The following EZR variants were observed in gnomAD, a reference collection of about 807,000 sequenced individuals.
EZR encodes the protein cytovillin 2.
In EZR, 40 loss-of-function variants were observed where a neutral mutation model predicts 74.8. That is an observed-to-expected ratio of 0.53 (90% CI 0.42 to 0.70). The LOEUF is 0.70. Ranked by LOEUF, EZR falls within the 30% of genes least tolerant of loss-of-function variation. The pLI is 0.00. For missense variants in EZR, 678 were observed against 755.8 expected (o/e 0.90, Z 1.21); for synonymous variants, 341 against 283.3 (o/e 1.20, Z -2.05).
intron 3 of EZR, 63 bp downstream of exon 3, chr6:158,789,225 C>G (rs1267419042): frequency 7.9e-6 from 10 of 1,262,904 alleles, no homozygotes; most frequent in Non-Finnish European, 1.1e-5. Flanking sequence ...AACAAAATAA[C>G]TGAAATGTTG....
intron 2 of EZR, among the ~76,000 whole-genome samples, chr6:158,805,754 A>C (rs1777324312): frequency 6.6e-6 from 1 of 152,232 alleles, no homozygotes; most frequent in South Asian, 2.1e-4. Context: ...GTTACATCTG[A>C]AATGGCATTA....
chr6:158,769,336 C>G lies in EZR; in HGVS notation c.1334G>C (p.Trp445Ser). Reference protein sequence around the residue: ...RRRKEDEVEEWQHRAKEAQDD... With the variant: ...RRRKEDEVEESQHRAKEAQDD... ...CCCGTGCAGACTCACCCTGTGCTGC[C>G]ACTCTTCAACTTCATCCTCCTTGCG... Residue 445 changes from tryptophan (W) to serine (S), a missense_variant, in exon 12 of 14, where the codon TGG becomes TCG. Physicochemically the swap from Trp to Ser is radical, Grantham distance 177. Coordinates refer to ENST00000367075, the MANE Select transcript of EZR (RefSeq NM_001111077.2). The G allele has an allele frequency of 6.2e-7, 1 of 1,609,664 alleles. No individual in the cohort carries two copies. Among genetic ancestry groups the G allele is most frequent in the Non-Finnish European group, 8.5e-7 (1 of 1,179,990 alleles).
intron 7 of EZR, among the ~76,000 whole-genome samples, chr6:158,781,789 G>T (rs540916619): frequency 3.3e-5 from 5 of 151,632 alleles, no homozygotes; most frequent in Non-Finnish European, 5.9e-5. Flanking sequence ...TTTGAGACAC[G>T]GTCTCGCTCT....
At chr6:158,804,715 GTC>G (rs904991040) in intron 2 of EZR, among the ~76,000 whole-genome samples, 63 of 151,982 alleles carry the variant, frequency 4.1e-4, no homozygotes, top group African/African-American at 1.4e-3. Flanking sequence ...ATGCATGGTT[GTC>G]TCTGCAAATT....
intron 2 of EZR, among the ~76,000 whole-genome samples, chr6:158,817,570 T>C (rs1039651220): frequency 2.6e-5 from 4 of 152,242 alleles, no homozygotes; most frequent in Non-Finnish European, 4.4e-5. Context: ...CACCGCTTCA[T>C]GGGCCTAGTA....
chr6:158,774,529 G>A (rs1301256460), intron 8 of EZR, among the ~76,000 whole-genome samples: 1 of 151,770 alleles, frequency 6.6e-6, no homozygotes, highest in African/African-American at 2.4e-5. Flanking sequence ...TGCCACCAGC[G>A]AATGTTTCTT....
rs760081199 is a variant in EZR at position 158,817,969 on chromosome 6, T to C, written c.12+113A>G. The C allele has an allele frequency of 8.3e-5, 85 of 1,025,626 alleles. No homozygotes were observed. The Middle Eastern group carries it at 1.1e-3, about 13-fold the overall frequency. 63.5% of individuals were successfully genotyped at this position (1,025,626 alleles called of 1,614,324 possible). A position where few individuals can be genotyped will look rare whatever the true frequency, so the allele number is the denominator to read the frequency against. Reference sequence around the variant, plus strand: ...ACCTCCTCCTATTCCTATCGTCTTCTGCGTGTGAGAAGAACCCTGTTCCCC... The same window carrying C: ...ACCTCCTCCTATTCCTATCGTCTTCCGCGTGTGAGAAGAACCCTGTTCCCC... On this transcript the variant is annotated intron_variant, in intron 2 of 13. Coordinates refer to ENST00000367075, the MANE Select transcript of EZR (RefSeq NM_001111077.2).
chr6:158,768,406 A>G (rs1790984053), intron 12 of EZR, among the ~76,000 whole-genome samples: 1 of 152,110 alleles, frequency 6.6e-6, no homozygotes, highest in Non-Finnish European at 1.5e-5. Flanking sequence ...AGAACAGCCT[A>G]ATACAGATCG....
intron 7 of EZR, among the ~76,000 whole-genome samples, chr6:158,782,642 G>A (rs1412020441): frequency 1.3e-5 from 2 of 152,212 alleles, no homozygotes; most frequent in Non-Finnish European, 2.9e-5. Flanking sequence ...TGAACCTGGT[G>A]GCCATCAGAT....
intron 13 of EZR, 73 bp from the exon 14 acceptor site, chr6:158,767,151 A>AAGGGCAAGAGGGGTGC: frequency 1.3e-6 from 2 of 1,593,944 alleles, no homozygotes; most frequent in Non-Finnish European, 1.7e-6. Context: ...GGAAAACAGG[A>AAGGGCAAGAGGGGTGC]AGGGCAAGAG....
At chr6:158,790,650 G>A (rs891916662) in intron 2 of EZR, among the ~76,000 whole-genome samples, 5 of 151,930 alleles carry the variant, frequency 3.3e-5, no homozygotes, top group East Asian at 3.8e-4. Flanking sequence ...TTCCAGCCTC[G>A]GCTCCGGAGC....
At chr6:158,781,552 A>C (rs1583565415) in intron 7 of EZR, among the ~76,000 whole-genome samples, 1 of 152,226 alleles carries the variant, frequency 6.6e-6, no homozygotes, top group South Asian at 2.1e-4. Context: ...GTTTTCCTGC[A>C]GGTTGAAAAA....
intron 2 of EZR, 130 bp downstream of exon 2, chr6:158,817,952 C>CT: frequency 2.4e-6 from 2 of 826,484 alleles, no homozygotes; most frequent in Non-Finnish European, 3.6e-6. Context: ...AAACCTCCTC[C>CT]TATTCCTATC....
chr6:158,791,863 A>G (rs1022353291), intron 2 of EZR, among the ~76,000 whole-genome samples: 3 of 151,384 alleles, frequency 2.0e-5, no homozygotes, highest in African/African-American at 7.3e-5. Flanking sequence ...TGCCCGCCAC[A>G]ACACCCAGCT....
Position 158,785,507 on chromosome 6 carries a change from G to A in EZR, c.269C>T (p.Ala90Val), listed in dbSNP as rs1314050917. ...GGTGATGTCCTGGATGAGCTCCTCA[G>A]CCACATCTTCAGGGTAGAACTTGGC... ...FRAKFYPEDV[A>V]EELIQDITQK... Residue 90 changes from alanine (A) to valine (V), a missense_variant, in exon 5 of 14, where the codon GCT becomes GTT. By Grantham distance (64) the Ala-to-Val change is moderately conservative (BLOSUM62 0). Coordinates refer to ENST00000367075, the MANE Select transcript of EZR (RefSeq NM_001111077.2). The A allele has an allele frequency of 4.3e-6, 7 of 1,614,156 alleles. No individual in the cohort carries two copies. The highest frequency in any genetic ancestry group is 5.1e-6 in the Non-Finnish European group (6 of 1,180,016).
rs532665522 is a variant in EZR, at chr6:158,766,856, G to A, written c.*58C>T. 2.6e-6 allele frequency: 4 copies of A among 1,514,214 alleles called. No individual in the cohort carries two copies. The highest frequency in any genetic ancestry group is 2.7e-6 in the Non-Finnish European group (3 of 1,101,474). The allele number at this position is 1,514,214 out of a possible 1,614,324, so 93.8% of individuals were successfully genotyped here. A position where few individuals can be genotyped will look rare whatever the true frequency, so the allele number is the denominator to read the frequency against. On this transcript the variant is annotated 3_prime_UTR_variant, in exon 14 of 14. Transcript: ENST00000367075. The stretch of plus-strand genomic sequence containing the variant: ...CTTGGAGCACTAAAGACACAAGCGT[G>A]GCGGGGCTGGCAGCGCCCGCTATGA...
At chr6:158,795,124 C>T in intron 2 of EZR, among the ~76,000 whole-genome samples, 1 of 152,064 alleles carries the variant, frequency 6.6e-6, no homozygotes, top group East Asian at 1.9e-4. Context: ...TGGTGGCACA[C>T]ACCTGTAATC....
chr6:158,805,219 A>T (rs1351951391), intron 2 of EZR, among the ~76,000 whole-genome samples: 1 of 151,664 alleles, frequency 6.6e-6, no homozygotes, highest in African/African-American at 2.4e-5. Context: ...TGTGCCTGCA[A>T]TCCCAGCTAC....
At chr6:158,812,126 T>C (rs189176673) in intron 2 of EZR, among the ~76,000 whole-genome samples, 63 of 152,294 alleles carry the variant, frequency 4.1e-4, no homozygotes, top group African/African-American at 1.4e-3. Context: ...TGCCCAAGTA[T>C]AGGTAAGCAG....
Sources: gnomAD v4.1 joint callset for allele counts (sites outside exome capture counted in the v4.1 genomes callset) on GRCh38, gnomAD v4.1.1 for gene constraint, MANE v1.5 for transcripts, NCBI Gene and HGNC (gene_info 2026-07-23, HGNC 2026-07-21) for gene names.